AGAP1: variants seen among roughly 807,000 people sequenced by gnomAD.
AGAP1 encodes the protein arf-GAP with GTPase, ANK repeat and PH domain-containing protein 1.
A neutral mutation model predicts 105.3 loss-of-function variants in AGAP1; 29 were observed. The observed-to-expected ratio is 0.28, with a 90% CI of 0.21 to 0.38. AGAP1 has a LOEUF of 0.38. AGAP1 is among the 10% of genes least tolerant of loss of function. AGAP1 has a pLI of 1.00. For missense variants in AGAP1, 998 were observed against 1,165.1 expected (o/e 0.86, Z 2.09); for synonymous variants, 509 against 485.9 (o/e 1.05, Z -0.63).
At position 235,740,293 on chromosome 2, in the gene AGAP1, C is replaced by T. The variant is rs1034643081; in HGVS notation, c.311-670C>T. ...TGCCCGCACCCCCTCCTCATGGTCA[C>T]CTCTGTTCCTGCAGGGTCCCGGTGG... On this transcript the variant is annotated intron_variant, in intron 3 of 17. Coordinates refer to ENST00000304032, the MANE Select transcript of AGAP1 (RefSeq NM_001037131.3). This position sits in a 1 kb window ranked among gnomAD's most constrained non-coding sequence, Gnocchi z 5.7. Among the ~76,000 whole-genome samples the T allele has an allele frequency of 2.0e-5, 3 of 152,078 alleles. No individual in the cohort carries two copies. The highest frequency in any genetic ancestry group is 4.4e-5 in the Non-Finnish European group (3 of 68,016).
At chr2:235,673,209 G>T (rs1948531302) in intron 1 of AGAP1, among the ~76,000 whole-genome samples, 1 of 152,204 alleles carries the variant, frequency 6.6e-6, no homozygotes, top group Admixed American at 6.5e-5. Context: ...CCCCATAGGT[G>T]TCACAACTTC....
Position 236,000,817 on chromosome 2 carries a change from C to T in AGAP1, c.1645+32194C>T, listed in dbSNP as rs1291378884. Among the ~76,000 whole-genome samples the T allele has an allele frequency of 6.6e-6, 1 of 152,194 alleles. No homozygotes were observed. Among genetic ancestry groups the T allele is most frequent in the Non-Finnish European group, 1.5e-5 (1 of 68,042 alleles). On this transcript the variant is annotated intron_variant, in intron 13 of 17. Transcript: ENST00000304032. The surrounding 1 kb of genome is among the most constrained non-coding windows in gnomAD (Gnocchi z 4.3). ...CCCCTGACAGCAAGAAGGAGCCCCACTTGTGCTGTTCTGTAAGGAGGGTCT... is the reference window on the plus strand; with the variant it reads ...CCCCTGACAGCAAGAAGGAGCCCCATTTGTGCTGTTCTGTAAGGAGGGTCT...
rs1010894487 is a variant in AGAP1, at chr2:235,901,282, T to A, written c.1156-7456T>A. On this transcript the variant is annotated intron_variant, in intron 10 of 17. Coordinates refer to ENST00000304032, the MANE Select transcript of AGAP1 (RefSeq NM_001037131.3). The surrounding 1 kb of genome is among the most constrained non-coding windows in gnomAD (Gnocchi z 4.3). ...CTTTACAATGGCTTCTCTTACATAC[T>A]TTTTTTTTTTTGAGCCCAGAAGTGA... is the stretch of plus-strand genomic sequence containing the variant. Among the ~76,000 whole-genome samples the A allele has an allele frequency of 7.6e-5, 11 of 144,846 alleles. No individual in the cohort carries two copies. Among genetic ancestry groups the A allele is most frequent in the Admixed American group, 7.5e-4 (11 of 14,610 alleles).
chr2:236,106,164 GT>G (rs2059485772), intron 16 of AGAP1, among the ~76,000 whole-genome samples: 3 of 152,238 alleles, frequency 2.0e-5, no homozygotes, highest in Non-Finnish European at 4.4e-5. Context: ...TGTCTGCTCT[GT>G]TTGTTTGCCA....
At chr2:235,923,184 C>T (rs778389265) in intron 11 of AGAP1, among the ~76,000 whole-genome samples, 1 of 152,104 alleles carries the variant, frequency 6.6e-6, no homozygotes, top group Non-Finnish European at 1.5e-5. Context: ...ATTTGGGGGA[C>T]GATGCCGAAA....
In AGAP1 at chr2:236,082,821, C is replaced by A. The variant is rs2058820904; in HGVS notation, c.2114+33540C>A. Among the ~76,000 whole-genome samples, 1 of 151,894 alleles carries A rather than the reference C, an allele frequency of 6.6e-6. No individual in the cohort carries two copies. Among genetic ancestry groups the A allele is most frequent in the Non-Finnish European group, 1.5e-5 (1 of 68,008 alleles). On this transcript the variant is annotated intron_variant, in intron 16 of 17. Coordinates refer to ENST00000304032, the MANE Select transcript of AGAP1 (RefSeq NM_001037131.3). This position sits in a 1 kb window ranked among gnomAD's most constrained non-coding sequence, Gnocchi z 4.2. Reference sequence around the variant, plus strand: ...ACCTGGAGGTGGAGGTTGCAGTGAGCCGAGATTGCACCCATTGCACTCCAG... The same window carrying A: ...ACCTGGAGGTGGAGGTTGCAGTGAGACGAGATTGCACCCATTGCACTCCAG...
intron 1 of AGAP1, among the ~76,000 whole-genome samples, chr2:235,588,546 T>TA (rs932740641): frequency 5.3e-5 from 8 of 151,616 alleles, no homozygotes; most frequent in South Asian, 4.2e-4. Flanking sequence ...AAAATCTGGA[T>TA]AAAAAAAAAT....
At chr2:235,948,029 C>T (rs1016427805) in intron 12 of AGAP1, among the ~76,000 whole-genome samples, 9 of 151,916 alleles carry the variant, frequency 5.9e-5, no homozygotes, top group Non-Finnish European at 8.8e-5. Context: ...GTGTGCCCAC[C>T]TGAATGCAGG....
chr2:235,900,385 G>T lies in AGAP1; in HGVS notation c.1156-8353G>T, dbSNP rs575640246. 6.6e-6 allele frequency among the ~76,000 whole-genome samples: 1 copy of T among 151,938 alleles called. No homozygotes were observed. Among genetic ancestry groups the T allele is most frequent in the Admixed American group, 6.6e-5 (1 of 15,264 alleles). Reference sequence around the variant, plus strand: ...AATCTTACAGTTTAATGGAATTGTTGTTGTGTCTCGGTGGCAGCATTTCTC... The same window carrying T: ...AATCTTACAGTTTAATGGAATTGTTTTTGTGTCTCGGTGGCAGCATTTCTC... On this transcript the variant is annotated intron_variant, in intron 10 of 17. Coordinates refer to ENST00000304032, the MANE Select transcript of AGAP1 (RefSeq NM_001037131.3). This position sits in a 1 kb window ranked among gnomAD's most constrained non-coding sequence, Gnocchi z 5.5.
chr2:235,971,249 G>A lies in AGAP1; in HGVS notation c.1645+2626G>A, dbSNP rs931302582. ...ACAAATGAGTCACTTTTGTGAAAAA[G>A]TCTATATTTCATTTTTTCAAAGCCA... On this transcript the variant is annotated intron_variant, in intron 13 of 17. Transcript: ENST00000304032. This position sits in a 1 kb window ranked among gnomAD's most constrained non-coding sequence, Gnocchi z 4.8. 6.6e-6 allele frequency among the ~76,000 whole-genome samples: 1 copy of A among 152,100 alleles called. No individual in the cohort carries two copies. The highest frequency in any genetic ancestry group is 2.4e-5 in the African/African-American group (1 of 41,432).
Position 235,551,197 on chromosome 2 carries a change from G to T in AGAP1, c.163+56348G>T, listed in dbSNP as rs1198760781. Among the ~76,000 whole-genome samples, 10 of 152,204 alleles carry T rather than the reference G, an allele frequency of 6.6e-5. No individual in the cohort carries two copies. Among genetic ancestry groups the T allele is most frequent in the Non-Finnish European group, 1.5e-4 (10 of 68,034 alleles). ...GTTGCTTGATGTCATCTGAGGTGGG[G>T]CCACCCGGGAAAGGTCTTCATGTCT... On this transcript the variant is annotated intron_variant, in intron 1 of 17. Transcript: ENST00000304032. The surrounding 1 kb of genome is among the most constrained non-coding windows in gnomAD (Gnocchi z 4.8).
rs371844839 is a variant in AGAP1, at chr2:235,582,048, A to G, written c.163+87199A>G. 6.6e-6 allele frequency among the ~76,000 whole-genome samples: 1 copy of G among 152,334 alleles called. No homozygotes were observed. The highest frequency in any genetic ancestry group is 2.4e-5 in the African/African-American group (1 of 41,572). On this transcript the variant is annotated intron_variant, in intron 1 of 17. Transcript: ENST00000304032. The surrounding 1 kb of genome is among the most constrained non-coding windows in gnomAD (Gnocchi z 4.7). ...CATATTAACGCAGTCTTTAGGAGAC[A>G]TGAAATGTTCCTTCCATCCAGGGAA...
intron 1 of AGAP1, among the ~76,000 whole-genome samples, chr2:235,629,130 C>T (rs1353020336): frequency 1.3e-5 from 2 of 152,064 alleles, no homozygotes; most frequent in Non-Finnish European, 2.9e-5. Flanking sequence ...TGTCCTCATA[C>T]CTTAGCTCCC....
intron 1 of AGAP1, among the ~76,000 whole-genome samples, chr2:235,568,157 T>A (rs1944406449): frequency 1.3e-5 from 2 of 152,012 alleles, no homozygotes; most frequent in Non-Finnish European, 2.9e-5. Context: ...GCAGCCTCCA[T>A]GAAAGGAGGC....
chr2:236,116,846 G>A (rs1296652168), intron 16 of AGAP1, among the ~76,000 whole-genome samples: 2 of 151,624 alleles, frequency 1.3e-5, no homozygotes, highest in Non-Finnish European at 2.9e-5. Flanking sequence ...GAGAACATGC[G>A]ATGTTTGGCT....
At chr2:235,760,620 C>G (rs1472529287) in intron 6 of AGAP1, among the ~76,000 whole-genome samples, 1 of 152,174 alleles carries the variant, frequency 6.6e-6, no homozygotes, top group Non-Finnish European at 1.5e-5. Context: ...GGATCTCGAT[C>G]TGTCACACAG....
At position 236,109,688 on chromosome 2, in the gene AGAP1, C is replaced by G. The variant is rs988056972; in HGVS notation, c.2115-10504C>G. Among the ~76,000 whole-genome samples the G allele has an allele frequency of 6.6e-6, 1 of 152,224 alleles. No individual in the cohort carries two copies. The highest frequency in any genetic ancestry group is 1.5e-5 in the Non-Finnish European group (1 of 68,050). ...AGCGTCGGTGCTCTGGACCGGCAGCCGTGGAAACGTTCTGGATCCGAGCAT... is the reference window on the plus strand; with the variant it reads ...AGCGTCGGTGCTCTGGACCGGCAGCGGTGGAAACGTTCTGGATCCGAGCAT... On this transcript the variant is annotated intron_variant, in intron 16 of 17. Transcript: ENST00000304032. The surrounding 1 kb of genome is among the most constrained non-coding windows in gnomAD (Gnocchi z 5.4).
chr2:235,760,345 C>G (rs1374165441), intron 6 of AGAP1, among the ~76,000 whole-genome samples: 2 of 152,232 alleles, frequency 1.3e-5, no homozygotes, highest in African/African-American at 4.8e-5. Flanking sequence ...CGCCACTGCA[C>G]TCCAGCCTGG....
chr2:235,711,873 C>T (rs915069854), intron 2 of AGAP1, among the ~76,000 whole-genome samples: 8 of 152,206 alleles, frequency 5.3e-5, no homozygotes, highest in African/African-American at 1.9e-4. Context: ...CCCTGCTTCA[C>T]AAACGCAGCA....
Sources: gnomAD v4.1 joint callset for allele counts (sites outside exome capture counted in the v4.1 genomes callset) on GRCh38, gnomAD v4.1.1 for gene constraint, Gnocchi (gnomAD v3.1) non-coding constraint, MANE v1.5 for transcripts, NCBI Gene and HGNC (gene_info 2026-07-23, HGNC 2026-07-21) for gene names.